Variants in KCNMA1 observed in about 807,000 individuals in gnomAD.
KCNMA1 encodes the protein potassium calcium-activated channel subfamily M alpha 1, also known as Calcium-activated potassium channel subunit alpha-1.
Under a neutral mutation model 140.0 loss-of-function variants are expected in KCNMA1, and 29 were observed. The ratio of observed to expected loss-of-function variants is 0.21; its 90% CI spans 0.15 to 0.28. The LOEUF is 0.28. KCNMA1 is among the 10% of genes least tolerant of loss of function. The pLI is 1.00. For missense variants in KCNMA1, 880 were observed against 1,602.2 expected (o/e 0.55, Z 7.70); for synonymous variants, 612 against 611.9 (o/e 1.00, Z 0.00).
intron 5 of KCNMA1, among the ~76,000 whole-genome samples, chr10:77,135,055 G>C (rs1481248212): frequency 8.2e-6 from 1 of 121,942 alleles, no homozygotes; most frequent in African/African-American, 3.1e-5. Flanking sequence ...GGAGTGAAGA[G>C]ACAACCTACA....
At chr10:77,086,005 G>A (rs764787179) in intron 11 of KCNMA1, among the ~76,000 whole-genome samples, 7 of 152,054 alleles carry the variant, frequency 4.6e-5, no homozygotes, top group East Asian at 3.8e-4. Flanking sequence ...TACACCCTGC[G>A]TCTTAGATGG....
At chr10:77,352,185 T>C (rs2092966089) in intron 2 of KCNMA1, among the ~76,000 whole-genome samples, 1 of 152,256 alleles carries the variant, frequency 6.6e-6, no homozygotes, top group South Asian at 2.1e-4. Context: ...GACGGTTCTC[T>C]ATAGAATGAA....
At chr10:76,887,633 C>A in intron 27 of KCNMA1, 118 bp from the exon 28 acceptor site, 1 of 1,159,280 alleles carries the variant, frequency 8.6e-7, no homozygotes, top group African/African-American at 1.5e-5. Context: ...CTGGAAGATG[C>A]ACTCCTAGCT....
intron 3 of KCNMA1, among the ~76,000 whole-genome samples, chr10:77,232,678 C>G (rs140014826): frequency 5.5e-4 from 83 of 152,246 alleles, no homozygotes; most frequent in African/African-American, 1.9e-3. Flanking sequence ...TCCAATTTAT[C>G]TACTTTTTCT....
intron 14 of KCNMA1, among the ~76,000 whole-genome samples, chr10:77,061,958 G>T (rs757268294): frequency 6.6e-6 from 1 of 152,124 alleles, no homozygotes; most frequent in Non-Finnish European, 1.5e-5. Context: ...AGACAAAACT[G>T]TAATGACAGA....
At chr10:76,884,851 T>A, downstream of KCNMA1, 1 of 1,294,600 alleles carries the variant, frequency 7.7e-7, no homozygotes, top group Non-Finnish European at 1.0e-6. Context: ...ACAATATAAA[T>A]AAAAATAAAC....
intron 25 of KCNMA1, among the ~76,000 whole-genome samples, chr10:76,894,524 T>A (rs149740068): frequency 6.6e-6 from 1 of 152,056 alleles, no homozygotes; most frequent in African/African-American, 2.4e-5. Flanking sequence ...AAGGACACTA[T>A]CCAAAAAGTG....
In KCNMA1 at chr10:77,629,237, C is replaced by T. The variant is rs370489987; in HGVS notation, c.378+8028G>A. Among the ~76,000 whole-genome samples, 8 of 152,288 alleles carry T rather than the reference C, an allele frequency of 5.3e-5. No individual in the cohort carries two copies. The East Asian group carries it at 9.6e-4, about 18-fold the overall frequency. On this transcript the variant is annotated intron_variant, in intron 1 of 27. Transcript: ENST00000286628. ...TCACCAAATAATGCCAAAAACAAAG[C>T]AAGTTCCATCTTAAAGCAGCCATTC...
chr10:77,428,213 A>G (rs377151135), intron 1 of KCNMA1, among the ~76,000 whole-genome samples: 1 of 152,174 alleles, frequency 6.6e-6, no homozygotes, highest in East Asian at 1.9e-4. Flanking sequence ...GGAGGTCCCA[A>G]TGTGGCTTCT....
chr10:77,309,799 C>G (rs1239409553), intron 2 of KCNMA1, among the ~76,000 whole-genome samples: 1 of 152,136 alleles, frequency 6.6e-6, no homozygotes, highest in African/African-American at 2.4e-5. Context: ...AGGCTCTAGA[C>G]CTGTTGTTGA....
chr10:77,177,650 C>T (rs1220799561), intron 5 of KCNMA1, among the ~76,000 whole-genome samples: 1 of 152,022 alleles, frequency 6.6e-6, no homozygotes, highest in Non-Finnish European at 1.5e-5. Flanking sequence ...TGTGGGTACA[C>T]ACCATGCTCC....
intron 23 of KCNMA1, among the ~76,000 whole-genome samples, chr10:76,931,783 C>T (rs7075564): frequency 0.83 from 126,406 of 152,158 alleles, 52,616 homozygotes; most frequent in Middle Eastern, 0.92. Flanking sequence ...CTGCCCTAGT[C>T]CTTCCTCAAC....
intron 2 of KCNMA1, among the ~76,000 whole-genome samples, chr10:77,305,050 C>T (rs965443381): frequency 6.6e-6 from 1 of 152,214 alleles, no homozygotes; most frequent in Non-Finnish European, 1.5e-5. Flanking sequence ...TGAGAATCTA[C>T]ATTTCTAACA....
intron 1 of KCNMA1, among the ~76,000 whole-genome samples, chr10:77,453,182 A>C (rs919649036): frequency 6.6e-6 from 1 of 152,044 alleles, no homozygotes; most frequent in African/African-American, 2.4e-5. Flanking sequence ...GGCCCCTGTG[A>C]CCAGCATTTG....
At chr10:77,150,875 CTCA>C (rs377034182) in intron 5 of KCNMA1, among the ~76,000 whole-genome samples, 2 of 152,108 alleles carry the variant, frequency 1.3e-5, no homozygotes, top group Admixed American at 6.6e-5. Context: ...GATTAGGTTT[CTCA>C]TCAAAAGGAA....
chr10:77,269,476 C>T (rs71475645), intron 2 of KCNMA1, among the ~76,000 whole-genome samples: 27,896 of 152,186 alleles, frequency 0.18, 3,052 homozygotes, highest in Admixed American at 0.26. Context: ...CATATCCTCT[C>T]AGGGAAAGAT....
chr10:77,444,962 A>C (rs1457850283), intron 1 of KCNMA1, among the ~76,000 whole-genome samples: 1 of 152,160 alleles, frequency 6.6e-6, no homozygotes, highest in African/African-American at 2.4e-5. Flanking sequence ...GGACATAAAG[A>C]ACTAAACAGG....
At chr10:77,454,118 C>T (rs996874703) in intron 1 of KCNMA1, among the ~76,000 whole-genome samples, 1 of 152,096 alleles carries the variant, frequency 6.6e-6, no homozygotes, top group Non-Finnish European at 1.5e-5. Flanking sequence ...ATCCAGCAAC[C>T]AACAAGGTAA....
intron 2 of KCNMA1, among the ~76,000 whole-genome samples, chr10:77,329,991 T>A (rs1444871929): frequency 6.6e-6 from 1 of 152,196 alleles, no homozygotes; most frequent in Non-Finnish European, 1.5e-5. Flanking sequence ...AATATTATAA[T>A]TAGTTTTATT....
Sources: allele counts gnomAD v4.1 joint callset (sites outside exome capture counted in the v4.1 genomes callset), GRCh38; gene constraint gnomAD v4.1.1; transcripts MANE v1.5; gene names NCBI Gene and HGNC (gene_info 2026-07-23, HGNC 2026-07-21).